The following MARK1 variants were observed in gnomAD, a reference collection of about 807,000 sequenced individuals.
The protein encoded by MARK1 is serine/threonine-protein kinase MARK1.
MARK1 carries 40 observed loss-of-function variants against 96.3 expected under a neutral mutation model. That is an observed-to-expected ratio of 0.42 (90% CI 0.32 to 0.54). MARK1 has a LOEUF of 0.54. Among genes scored for constraint, MARK1 ranks in the 20% least tolerant of loss-of-function variants. The pLI, the probability that MARK1 is intolerant of heterozygous loss-of-function variation, is 0.16. For missense variants in MARK1, 719 were observed against 984.6 expected, an observed-to-expected ratio of 0.73 and a Z score of 3.61; for synonymous variants, 317 against 341.2, an observed-to-expected ratio of 0.93 and a Z score of 0.78.
intron 1 of MARK1, among the ~76,000 whole-genome samples, chr1:220,537,634 T>C (rs374907583): frequency 0.016 from 2,250 of 142,466 alleles, 37 homozygotes; most frequent in South Asian, 0.046. Context: ...ATGGTATTTC[T>C]AGTTCTAGAT....
At chr1:220,576,400 T>A (rs966125538) in intron 1 of MARK1, among the ~76,000 whole-genome samples, 1 of 140,730 alleles carries the variant, frequency 7.1e-6, no homozygotes, top group African/African-American at 2.6e-5. Flanking sequence ...CATACCATCA[T>A]GTCTAACTCA....
At chr1:220,646,570 T>C (rs1490825920) in intron 13 of MARK1, among the ~76,000 whole-genome samples, 1 of 152,136 alleles carries the variant, frequency 6.6e-6, no homozygotes, top group Admixed American at 6.5e-5. Flanking sequence ...AAAATTCATA[T>C]GGAACCAAAA....
chr1:220,548,830 G>A (rs534621351), intron 1 of MARK1, among the ~76,000 whole-genome samples: 14 of 152,274 alleles, frequency 9.2e-5, no homozygotes, highest in African/African-American at 2.4e-4. Flanking sequence ...TGAGTTTGCT[G>A]TAACGTTTTT....
At chr1:220,650,119 C>A (rs556511638) in intron 13 of MARK1, among the ~76,000 whole-genome samples, 2 of 152,156 alleles carry the variant, frequency 1.3e-5, no homozygotes, top group African/African-American at 2.4e-5. Flanking sequence ...GCTGGACATG[C>A]CTTTGATCCT....
At chr1:220,589,664 T>C (rs1664856156) in intron 3 of MARK1, among the ~76,000 whole-genome samples, 1 of 152,218 alleles carries the variant, frequency 6.6e-6, no homozygotes, top group African/African-American at 2.4e-5. Flanking sequence ...TCTAGCAAAC[T>C]CTGGCCTTAA....
At chr1:220,533,060 C>T (rs1236651959) in intron 1 of MARK1, among the ~76,000 whole-genome samples, 1 of 151,878 alleles carries the variant, frequency 6.6e-6, no homozygotes, top group Non-Finnish European at 1.5e-5. Flanking sequence ...GTATAAGATA[C>T]TTTATTAGAG....
At chr1:220,603,634 A>G (rs1665888744) in intron 5 of MARK1, among the ~76,000 whole-genome samples, 1 of 152,106 alleles carries the variant, frequency 6.6e-6, no homozygotes, top group African/African-American at 2.4e-5. Context: ...TCCAGACTAC[A>G]TGACAGGGAG....
At chr1:220,599,472 T>A (rs1394730483) in intron 4 of MARK1, among the ~76,000 whole-genome samples, 1 of 152,110 alleles carries the variant, frequency 6.6e-6, no homozygotes, top group Non-Finnish European at 1.5e-5. Flanking sequence ...TAACATAGTC[T>A]CTTTTTAAAC....
At chr1:220,613,691 G>A (rs1158641514) in intron 6 of MARK1, among the ~76,000 whole-genome samples, 2 of 152,082 alleles carry the variant, frequency 1.3e-5, no homozygotes, top group African/African-American at 2.4e-5. Flanking sequence ...ACATAATTCA[G>A]TGAAAATTGG....
chr1:220,631,826 T>C (rs1408222289), intron 10 of MARK1, among the ~76,000 whole-genome samples: 1 of 152,044 alleles, frequency 6.6e-6, no homozygotes, highest in African/African-American at 2.4e-5. Context: ...TTTTAAGAGA[T>C]GAAAGAAACC....
intron 1 of MARK1, 141 bp downstream of exon 1, chr1:220,529,014 C>T: frequency 2.6e-6 from 2 of 756,254 alleles, no homozygotes; most frequent in Non-Finnish European, 4.2e-6. Flanking sequence ...GCGTGACCCT[C>T]ACCCACTGCT....
chr1:220,563,111 C>A (rs748746027), intron 1 of MARK1, among the ~76,000 whole-genome samples: 2 of 152,054 alleles, frequency 1.3e-5, no homozygotes, highest in South Asian at 4.2e-4. Flanking sequence ...TAGTATGGTG[C>A]TCAATAAATG....
chr1:220,638,996 C>A (rs113869423), intron 13 of MARK1, among the ~76,000 whole-genome samples: 2,371 of 152,260 alleles, frequency 0.016, 43 homozygotes, highest in Non-Finnish European at 0.025. Flanking sequence ...GTAATCCCAG[C>A]ACTTTTGCAG....
At position 220,618,860 on chromosome 1, in the gene MARK1, T is replaced by G. The variant is rs1666903067; in HGVS notation, c.909+105T>G. 20 of 986,816 alleles carry G rather than the reference T, an allele frequency of 2.0e-5. No homozygotes were observed. Among genetic ancestry groups the G allele is most frequent in the Non-Finnish European group, 2.9e-5 (20 of 695,174 alleles). 61.1% of individuals were successfully genotyped at this position (986,816 alleles called of 1,614,324 possible). On this transcript the variant is annotated intron_variant, in intron 9 of 17. Coordinates refer to ENST00000366917, the MANE Select transcript of MARK1 (RefSeq NM_018650.5). This position sits in a 1 kb window ranked among gnomAD's most constrained non-coding sequence, Gnocchi z 4.6. ...TTTTCTTAGGAAAATTGCCAAATTA[T>G]CTAATCTGCCTTTTGTTTGTAGGTA...
chr1:220,546,243 A>G (rs1403075274), intron 1 of MARK1, among the ~76,000 whole-genome samples: 1 of 152,166 alleles, frequency 6.6e-6, no homozygotes, highest in Non-Finnish European at 1.5e-5. Flanking sequence ...TTATAGTTTT[A>G]ACAAACATCA....
rs1184566575 is a variant in MARK1, at chr1:220,579,535, GA to G, written c.234del (p.Arg78SerfsTer4). The G allele has an allele frequency of 6.2e-7, 1 of 1,613,928 alleles. No homozygotes were observed. The highest frequency in any genetic ancestry group is 1.7e-5 in the Admixed American group (1 of 60,010). On this transcript the variant is annotated frameshift_variant, in exon 2 of 18. Transcript: ENST00000366917. LOFTEE classifies it high-confidence loss of function. ...KGNFAKVKLA[R>X]HVLTGREVAV... ...AATTTTGCCAAAGTCAAATTGGCAA[GA>G]CACGTTCTAACTGGTAGAGAGGTAA...
intron 1 of MARK1, among the ~76,000 whole-genome samples, chr1:220,554,796 C>T (rs1322560535): frequency 8.5e-5 from 13 of 152,194 alleles, no homozygotes; most frequent in Non-Finnish European, 1.9e-4. Context: ...CAAGATTCAT[C>T]TGTCTTCTGC....
At chr1:220,559,911 A>T (rs1662546683) in intron 1 of MARK1, among the ~76,000 whole-genome samples, 4 of 121,276 alleles carry the variant, frequency 3.3e-5, no homozygotes, top group Admixed American at 2.6e-4. Context: ...CTTGGGGTGT[A>T]TGTTCTAAGA....
rs1669596375 is a variant in MARK1 at position 220,663,696 on chromosome 1, GT to G, written c.*1532del. ...GCTTCCAGACTAGGGTGAATTTTAT[GT>G]TCTGTACTGTACTGTGATGTAGCTT... On this transcript the variant is annotated 3_prime_UTR_variant, in exon 18 of 18. Transcript: ENST00000366917. 6.6e-6 allele frequency: 1 copy of G among 152,068 alleles called. No homozygotes were observed. Among genetic ancestry groups the G allele is most frequent in the Non-Finnish European group, 1.5e-5 (1 of 67,962 alleles). 9.4% of individuals were successfully genotyped at this position (152,068 alleles called of 1,614,324 possible).
Sources: allele counts gnomAD v4.1 joint callset (sites outside exome capture counted in the v4.1 genomes callset), GRCh38; gene constraint gnomAD v4.1.1; non-coding constraint Gnocchi (gnomAD v3.1); transcripts MANE v1.5; gene names NCBI Gene and HGNC (gene_info 2026-07-23, HGNC 2026-07-21).